The following SPTLC3 variants were observed in gnomAD, a reference collection of about 807,000 sequenced individuals.
SPTLC3 encodes the protein serine palmitoyltransferase 3.
In SPTLC3, 36 loss-of-function variants were observed where a neutral mutation model predicts 59.3. That is an observed-to-expected ratio of 0.61 (90% CI 0.47 to 0.80). The LOEUF (loss-of-function observed/expected upper bound fraction) is 0.80, where lower values mean the gene tolerates loss of function less well. SPTLC3 is among the 30% of genes least tolerant of loss of function. The pLI is 0.00. For synonymous variants in SPTLC3, 257 were observed against 240.8 expected, an observed-to-expected ratio of 1.07 and a Z score of -0.62; for missense variants, 625 against 685.1, an observed-to-expected ratio of 0.91 and a Z score of 0.98.
At chr20:13,015,014 G>T (rs183646770) in intron 1 of SPTLC3, among the ~76,000 whole-genome samples, 2 of 152,204 alleles carry the variant, frequency 1.3e-5, no homozygotes, top group Middle Eastern at 3.4e-3. Flanking sequence ...AAGTGATGGA[G>T]GTTTGAGAAG....
chr20:13,139,001 G>A (rs1371632951), intron 9 of SPTLC3, among the ~76,000 whole-genome samples: 1 of 152,094 alleles, frequency 6.6e-6, no homozygotes, highest in Non-Finnish European at 1.5e-5. Context: ...GCAGGCACTG[G>A]GCAACAGCTA....
intron 2 of SPTLC3, among the ~76,000 whole-genome samples, chr20:13,053,820 C>T (rs146840361): frequency 3.1e-4 from 47 of 151,930 alleles, no homozygotes; most frequent in African/African-American, 9.7e-4. Context: ...TGAAATAAAG[C>T]GTGAAAACAA....
intron 4 of SPTLC3, among the ~76,000 whole-genome samples, chr20:13,086,441 T>A (rs1481907172): frequency 6.6e-6 from 1 of 152,188 alleles, no homozygotes; most frequent in African/African-American, 2.4e-5. Flanking sequence ...GAAGTAGAAG[T>A]GGTGAAAGAT....
At chr20:13,025,801 G>A (rs1986114149) in intron 1 of SPTLC3, among the ~76,000 whole-genome samples, 2 of 152,104 alleles carry the variant, frequency 1.3e-5, no homozygotes, top group African/African-American at 2.4e-5. Flanking sequence ...TGTCACAGCA[G>A]TTTGTTGTAC....
Position 13,166,884 on chromosome 20 carries a change from C to T in SPTLC3, c.*2017C>T, listed in dbSNP as rs1376739190. ...ATTACTTTCATGGAGGATATTGGGT[C>T]TAATTCATTGTGGGAAACTACTTAC... is the stretch of plus-strand genomic sequence containing the variant. On this transcript the variant is annotated 3_prime_UTR_variant, in exon 12 of 12. Coordinates refer to ENST00000399002, the MANE Select transcript of SPTLC3 (RefSeq NM_018327.4). The T allele has an allele frequency of 2.6e-5, 4 of 152,144 alleles. No individual in the cohort carries two copies. The highest frequency in any genetic ancestry group is 9.7e-5 in the African/African-American group (4 of 41,420). The allele number at this position is 152,144 out of a possible 1,614,324, so 9.4% of individuals were successfully genotyped here.
At chr20:13,145,484 G>A (rs1036782920) in intron 9 of SPTLC3, among the ~76,000 whole-genome samples, 5 of 152,092 alleles carry the variant, frequency 3.3e-5, no homozygotes, top group African/African-American at 1.2e-4. Flanking sequence ...AAAGAAACCA[G>A]AGAAGACACA....
chr20:13,022,498 G>A (rs1276763013), intron 1 of SPTLC3, among the ~76,000 whole-genome samples: 2 of 152,200 alleles, frequency 1.3e-5, no homozygotes. Flanking sequence ...GGTGTCTAGG[G>A]TCTCAGCTAG....
At chr20:13,109,958 C>T (rs898627900) in intron 6 of SPTLC3, among the ~76,000 whole-genome samples, 154 bp from the exon 7 acceptor site, 1 of 152,164 alleles carries the variant, frequency 6.6e-6, no homozygotes, top group Non-Finnish European at 1.5e-5. Flanking sequence ...AAAAATAGAC[C>T]TCTGTCTCTC....
intron 2 of SPTLC3, among the ~76,000 whole-genome samples, chr20:13,060,859 T>C (rs1442451360): frequency 1.3e-5 from 2 of 152,264 alleles, no homozygotes; most frequent in Non-Finnish European, 2.9e-5. Flanking sequence ...ATTTGCTTTA[T>C]CCAATTGTTG....
chr20:13,027,470 CCAGACA>C (rs140225062), intron 1 of SPTLC3, among the ~76,000 whole-genome samples: 8,348 of 152,038 alleles, frequency 0.055, 266 homozygotes, highest in South Asian at 0.083. Flanking sequence ...TATTATAATG[CCAGACA>C]CAGACACGCC....
At chr20:13,154,450 T>C (rs920552329) in intron 10 of SPTLC3, among the ~76,000 whole-genome samples, 1 of 152,202 alleles carries the variant, frequency 6.6e-6, no homozygotes, top group Non-Finnish European at 1.5e-5. Context: ...TGACCCAAGA[T>C]CGTTCTCAGG....
chr20:13,024,736 A>G (rs1986062754), intron 1 of SPTLC3, among the ~76,000 whole-genome samples: 1 of 152,164 alleles, frequency 6.6e-6, no homozygotes, highest in Admixed American at 6.5e-5. Context: ...ATCATCATCT[A>G]ATGACGTAAA....
At chr20:13,149,610 A>C (rs184984031) in intron 9 of SPTLC3, among the ~76,000 whole-genome samples, 35 of 152,376 alleles carry the variant, frequency 2.3e-4, no homozygotes, top group African/African-American at 7.9e-4. Flanking sequence ...TGGCAACCAC[A>C]AAGTGTGTCA....
At chr20:13,146,699 T>C (rs1017974992) in intron 9 of SPTLC3, among the ~76,000 whole-genome samples, 4 of 152,192 alleles carry the variant, frequency 2.6e-5, no homozygotes, top group Admixed American at 2.6e-4. Flanking sequence ...GATCATTTGT[T>C]CCAAACAGTG....
chr20:13,117,750 G>T (rs754566521), intron 8 of SPTLC3, 25 bp downstream of exon 8: 18 of 1,580,300 alleles, frequency 1.1e-5, no homozygotes, highest in Non-Finnish European at 5.2e-6. Flanking sequence ...GCTTGTGTCT[G>T]TTTAAAACCT....
At chr20:13,036,780 G>A (rs1462282092) in intron 1 of SPTLC3, among the ~76,000 whole-genome samples, 1 of 152,054 alleles carries the variant, frequency 6.6e-6, no homozygotes, top group Non-Finnish European at 1.5e-5. Flanking sequence ...GTACTAGATA[G>A]CCATCAGTCC....
intron 6 of SPTLC3, among the ~76,000 whole-genome samples, chr20:13,106,309 C>T (rs2122680151): frequency 6.6e-6 from 1 of 152,016 alleles, no homozygotes; most frequent in African/African-American, 2.4e-5. Context: ...AAGACTAGGG[C>T]GAGAAGGATG....
intron 2 of SPTLC3, among the ~76,000 whole-genome samples, chr20:13,056,886 C>T (rs1319955468): frequency 3.9e-5 from 6 of 151,918 alleles, no homozygotes; most frequent in African/African-American, 1.5e-4. Flanking sequence ...GGACTACAGG[C>T]GTGCAACACC....
chr20:13,015,111 C>T (rs1985460618), intron 1 of SPTLC3, among the ~76,000 whole-genome samples: 1 of 152,110 alleles, frequency 6.6e-6, no homozygotes, highest in Non-Finnish European at 1.5e-5. Flanking sequence ...TGAATTAGCC[C>T]TGATCTAATG....
Sources: gnomAD v4.1 joint callset for allele counts (sites outside exome capture counted in the v4.1 genomes callset) on GRCh38, gnomAD v4.1.1 for gene constraint, MANE v1.5 for transcripts, NCBI Gene and HGNC (gene_info 2026-07-23, HGNC 2026-07-21) for gene names.